Variants in FER observed in about 807,000 individuals in gnomAD.
The protein encoded by FER is FER tyrosine kinase, also known as tyrosine-protein kinase Fer.
Under a neutral mutation model 111.0 loss-of-function variants are expected in FER, and 63 were observed. The observed-to-expected ratio is 0.57, with a 90% CI of 0.46 to 0.70. FER has a LOEUF of 0.70. Ranked by LOEUF, FER falls within the 30% of genes least tolerant of loss-of-function variation. The probability of loss-of-function intolerance (pLI) is 0.00; values close to 1 mark genes in which losing one functional copy is unlikely to be tolerated. For synonymous variants in FER, 327 were observed against 313.9 expected, an observed-to-expected ratio of 1.04 and a Z score of -0.44; for missense variants, 914 against 954.0, an observed-to-expected ratio of 0.96 and a Z score of 0.55.
chr5:108,967,774 A>AAAAAAAAAAAAAAAAAAAAAAAAAT (rs1760077984), intron 13 of FER, among the ~76,000 whole-genome samples: 1 of 151,490 alleles, frequency 6.6e-6, no homozygotes, highest in Non-Finnish European at 1.5e-5. Context: ...AAAAAAAAAA[A>AAAAAAAAAAAAAAAAAAAAAAAAAT]AAAAAAAAAC....
In FER at chr5:108,849,864, A is replaced by C. The variant is rs573841383; in HGVS notation, c.481+14057A>C. On this transcript the variant is annotated intron_variant, in intron 5 of 19. Coordinates refer to ENST00000281092, the MANE Select transcript of FER (RefSeq NM_005246.4). The stretch of plus-strand genomic sequence containing the variant: ...ATTCATGACAGAGAGAATAATAATA[A>C]AATTTTGTTTGTGAAATGATGGAAG... Among the ~76,000 whole-genome samples the C allele has an allele frequency of 6.6e-5, 10 of 152,234 alleles. 2 individuals are homozygous for C. The South Asian group carries it at 1.9e-3, about 28-fold the overall frequency.
chr5:108,960,543 A>G (rs938770197), intron 13 of FER, among the ~76,000 whole-genome samples: 2 of 152,028 alleles, frequency 1.3e-5, no homozygotes, highest in African/African-American at 2.4e-5. Flanking sequence ...TTTTTTCTAT[A>G]GCAAAATATA....
chr5:108,909,967 A>G (rs920730937), intron 10 of FER, among the ~76,000 whole-genome samples: 1 of 151,936 alleles, frequency 6.6e-6, no homozygotes, highest in African/African-American at 2.4e-5. Flanking sequence ...ATATTACTGA[A>G]CATTTTCCTA....
At chr5:108,906,426 CT>C (rs760706066) in intron 10 of FER, among the ~76,000 whole-genome samples, 4 of 151,938 alleles carry the variant, frequency 2.6e-5, no homozygotes, top group Non-Finnish European at 4.4e-5. Flanking sequence ...ATATTGTTGT[CT>C]TTTAGCCACA....
intron 16 of FER, among the ~76,000 whole-genome samples, chr5:109,049,952 C>T (rs1275096308): frequency 6.6e-6 from 1 of 152,198 alleles, no homozygotes; most frequent in East Asian, 1.9e-4. Flanking sequence ...CTCCAAAAGA[C>T]TGTTAAACTC....
intron 2 of FER, among the ~76,000 whole-genome samples, chr5:108,781,695 G>A (rs1754096690): frequency 6.6e-6 from 1 of 152,130 alleles, no homozygotes; most frequent in African/African-American, 2.4e-5. Context: ...CTTCACAGAT[G>A]TTTGTTAGCA....
At chr5:108,933,419 T>C (rs752077928) in intron 10 of FER, among the ~76,000 whole-genome samples, 2 of 152,074 alleles carry the variant, frequency 1.3e-5, no homozygotes, top group African/African-American at 2.4e-5. Context: ...TGTGGTGTTA[T>C]TTCTGAGGCC....
chr5:109,144,555 T>C (rs763804704), intron 17 of FER, among the ~76,000 whole-genome samples: 2 of 152,196 alleles, frequency 1.3e-5, no homozygotes, highest in African/African-American at 2.4e-5. Context: ...CTGATTCTCA[T>C]TCCGATCTTT....
chr5:108,931,835 A>G (rs1414878847), intron 10 of FER, among the ~76,000 whole-genome samples: 2 of 151,950 alleles, frequency 1.3e-5, no homozygotes, highest in East Asian at 1.9e-4. Flanking sequence ...CATCTCGGGG[A>G]AAAAAAATAG....
intron 5 of FER, among the ~76,000 whole-genome samples, chr5:108,863,122 C>CT (rs1288148657): frequency 1.4e-3 from 210 of 151,146 alleles, no homozygotes; most frequent in African/African-American, 4.5e-3. Flanking sequence ...TTGCACTGAC[C>CT]TTTTTTTTTG....
chr5:109,045,480 T>G (rs1249191312), intron 15 of FER, among the ~76,000 whole-genome samples: 1 of 152,072 alleles, frequency 6.6e-6, no homozygotes, highest in Non-Finnish European at 1.5e-5. Flanking sequence ...AGAATAAGAT[T>G]TGGTAATAGA....
At chr5:109,081,862 C>T (rs1777022293) in intron 16 of FER, among the ~76,000 whole-genome samples, 1 of 151,750 alleles carries the variant, frequency 6.6e-6, no homozygotes, top group African/African-American at 2.4e-5. Flanking sequence ...ATTACTTTTT[C>T]CTAAAGTACT....
intron 13 of FER, among the ~76,000 whole-genome samples, chr5:109,033,580 G>A (rs560588714): frequency 1.3e-5 from 2 of 152,206 alleles, no homozygotes; most frequent in East Asian, 3.9e-4. Context: ...TAAAGCTTTA[G>A]CATCATCATA....
intron 3 of FER, among the ~76,000 whole-genome samples, chr5:108,830,134 A>G (rs1256782749): frequency 6.6e-6 from 1 of 152,194 alleles, no homozygotes; most frequent in Non-Finnish European, 1.5e-5. Flanking sequence ...ATTAGCAGAT[A>G]GATAATGGGA....
chr5:108,949,038 A>G (rs944544042), intron 11 of FER, among the ~76,000 whole-genome samples: 1 of 152,128 alleles, frequency 6.6e-6, no homozygotes, highest in African/African-American at 2.4e-5. Context: ...TTAGAAAATC[A>G]AAATATTAGA....
At chr5:109,009,542 G>A (rs79795344) in intron 13 of FER, among the ~76,000 whole-genome samples, 2,189 of 152,168 alleles carry the variant, frequency 0.014, 60 homozygotes, top group African/African-American at 0.051. Context: ...CCCTCAGCCT[G>A]TTTGAAATGT....
At chr5:108,789,908 G>A (rs1296089606) in intron 2 of FER, among the ~76,000 whole-genome samples, 3 of 152,094 alleles carry the variant, frequency 2.0e-5, no homozygotes, top group African/African-American at 7.2e-5. Context: ...TGGCCCACCA[G>A]CAGGAATTTT....
intron 17 of FER, among the ~76,000 whole-genome samples, chr5:109,146,210 T>TTTATATATATATATGATCTATCTAA (rs1561953365): frequency 1.0e-5 from 1 of 95,310 alleles, no homozygotes; most frequent in African/African-American, 3.9e-5. Context: ...TCTATCTATT[T>TTTATATATATATATGATCTATCTAA]TATATATATA....
Position 108,946,221 on chromosome 5 carries a change from C to G in FER, c.1328C>G (p.Ala443Gly). The G allele has an allele frequency of 2.5e-6, 4 of 1,606,614 alleles. No individual in the cohort carries two copies. Among genetic ancestry groups the G allele is most frequent in the Non-Finnish European group, 3.4e-6 (4 of 1,174,294 alleles). ...CCAAAATCTGCACTGGGCTCTTCAG[C>G]AGTAAGTAGGATTAACTCTCTGTGC... Reference protein sequence around the residue: ...RSPKSALGSSALSDMISISEK... With the variant: ...RSPKSALGSSGLSDMISISEK... Residue 443 changes from alanine (A) to glycine (G), a missense_variant and splice_region_variant, in exon 11 of 20, where the codon GCA (alanine) becomes GGA (glycine). Transcript: ENST00000281092.
Sources: gnomAD v4.1 joint callset for allele counts (sites outside exome capture counted in the v4.1 genomes callset) on GRCh38, gnomAD v4.1.1 for gene constraint, MANE v1.5 for transcripts, NCBI Gene and HGNC (gene_info 2026-07-23, HGNC 2026-07-21) for gene names.